Variants in FSD2 observed in about 807,000 individuals in gnomAD.
FSD2 encodes fibronectin type III and SPRY domain-containing protein 2.
Under a neutral mutation model 80.4 loss-of-function variants are expected in FSD2, and 71 were observed. That is an observed-to-expected ratio of 0.88 (90% CI 0.73 to 1.08). The LOEUF is 1.08. FSD2 is among the 50% of genes least tolerant of loss of function. The pLI, the probability that FSD2 is intolerant of heterozygous loss-of-function variation, is 0.00. For missense variants in FSD2, 923 were observed against 913.8 expected, an observed-to-expected ratio of 1.01 and a Z score of -0.13; for synonymous variants, 361 against 329.5, an observed-to-expected ratio of 1.10 and a Z score of -1.03.
At chr15:82,761,667 T>G (rs2151485299) in intron 12 of FSD2, among the ~76,000 whole-genome samples, 1 of 150,950 alleles carries the variant, frequency 6.6e-6, no homozygotes, top group Admixed American at 6.6e-5. Context: ...TTATTTTATT[T>G]TATTTTTTTA....
At chr15:82,800,691 C>CAAAAAAAAAG (rs2050390249) in intron 1 of FSD2, among the ~76,000 whole-genome samples, 3 of 47,820 alleles carry the variant, frequency 6.3e-5, no homozygotes, top group African/African-American at 3.0e-4. Context: ...GATTCTGTCT[C>CAAAAAAAAAG]AAAAAAAAAA....
At chr15:82,775,390 T>A (rs981856992) in intron 6 of FSD2, among the ~76,000 whole-genome samples, 4 of 150,722 alleles carry the variant, frequency 2.7e-5, no homozygotes, top group Non-Finnish European at 5.9e-5. Context: ...AGTGTGAGAC[T>A]CTGTCTCAAA....
chr15:82,759,280 C>T lies in FSD2; in HGVS notation c.*68G>A. ...CATGGTGCTTAAGTGCCAGGTTCAG[C>T]CAGCTAAGGCGTGAGCAGCTGCGAG... On this transcript the variant is annotated 3_prime_UTR_variant, in exon 13 of 13. Transcript: ENST00000334574. 2.6e-6 allele frequency: 4 copies of T among 1,539,166 alleles called. No homozygotes were observed. Among genetic ancestry groups the T allele is most frequent in the East Asian group, 2.3e-5 (1 of 44,128 alleles).
chr15:82,774,161 C>T (rs12903869), intron 6 of FSD2, among the ~76,000 whole-genome samples: 1 of 152,174 alleles, frequency 6.6e-6, no homozygotes, highest in Non-Finnish European at 1.5e-5. Context: ...TGCAGCCTTA[C>T]TCTTGGGCTC....
intron 1 of FSD2, among the ~76,000 whole-genome samples, chr15:82,804,001 A>G (rs1245685305): frequency 6.6e-6 from 1 of 152,194 alleles, no homozygotes; most frequent in East Asian, 1.9e-4. Flanking sequence ...TGCATAGTAC[A>G]TAGCTTAAAG....
At chr15:82,764,472 G>A (rs2049361149) in intron 11 of FSD2, among the ~76,000 whole-genome samples, 1 of 117,756 alleles carries the variant, frequency 8.5e-6, no homozygotes, top group South Asian at 2.9e-4. Context: ...CTCTGCTCTT[G>A]TTGCTTCATT....
In FSD2 at chr15:82,787,143, T is replaced by A. The variant is rs779663505; in HGVS notation, c.248A>T (p.Asp83Val). ...AACAAACTCATCCCCTAATTCATGA[T>A]CATCTTCAAGTCCATATAAGTGGAC... ...ELVHLYGLEDDHELGDEFVDE... is the reference protein window; with the variant it reads ...ELVHLYGLEDVHELGDEFVDE... Residue 83 changes from aspartate (D) to valine (V), a missense_variant, in exon 2 of 13, where the codon GAT (aspartate) becomes GTT (valine). By Grantham distance (152) the Asp-to-Val change is radical. Transcript: ENST00000334574. 6.2e-7 allele frequency: 1 copy of A among 1,614,044 alleles called. No homozygotes were observed. Among genetic ancestry groups the A allele is most frequent in the Admixed American group, 1.7e-5 (1 of 60,028 alleles).
chr15:82,799,991 A>C (rs1051642704), intron 1 of FSD2, among the ~76,000 whole-genome samples: 42 of 152,208 alleles, frequency 2.8e-4, no homozygotes, highest in African/African-American at 9.6e-4. Context: ...TCCTGAACTG[A>C]CTGCCTGCCC....
intron 2 of FSD2, 33 bp downstream of exon 2, chr15:82,786,719 C>A (rs1345322002): frequency 1.2e-6 from 2 of 1,609,854 alleles, no homozygotes; most frequent in Non-Finnish European, 1.7e-6. Flanking sequence ...AAAGCAATAT[C>A]AAGACAGAGA....
At position 82,778,157 on chromosome 15, in the gene FSD2, TA is replaced by T. The variant is rs1555478177; in HGVS notation, c.1111+608del. Among the ~76,000 whole-genome samples the T allele has an allele frequency of 1.0e-4, 13 of 129,882 alleles. 1 individual carries two copies. Among genetic ancestry groups the T allele is most frequent in the African/African-American group, 4.1e-4 (13 of 31,700 alleles). 85.2% of individuals were successfully genotyped at this position (129,882 alleles called of 152,430 possible). A position where few individuals can be genotyped will look rare whatever the true frequency, so the allele number is the denominator to read the frequency against. ...ATATATATATATATATATATATATA[TA>T]ATAACTATTACATGATCTAGTAATT... is the stretch of plus-strand genomic sequence containing the variant. On this transcript the variant is annotated intron_variant, in intron 6 of 12. Coordinates refer to ENST00000334574, the MANE Select transcript of FSD2 (RefSeq NM_001007122.4).
At chr15:82,763,860 C>T (rs2049346757) in intron 11 of FSD2, among the ~76,000 whole-genome samples, 2 of 152,220 alleles carry the variant, frequency 1.3e-5, no homozygotes, top group Non-Finnish European at 2.9e-5. Flanking sequence ...ACTTTCCTGC[C>T]TCATCTTCCA....
chr15:82,765,140 G>T (rs749386603), intron 11 of FSD2, 26 bp downstream of exon 11: 1 of 1,569,858 alleles, frequency 6.4e-7, no homozygotes, highest in Non-Finnish European at 8.6e-7. Context: ...TTCACAGAAC[G>T]CCCTTGTGAG....
intron 3 of FSD2, among the ~76,000 whole-genome samples, chr15:82,786,041 A>G (rs564953718): frequency 3.3e-5 from 5 of 152,308 alleles, no homozygotes; most frequent in African/African-American, 1.2e-4. Context: ...ATAAGGGTCT[A>G]TCAAGTTGAA....
At chr15:82,780,615 G>A (rs2049831617) in intron 4 of FSD2, among the ~76,000 whole-genome samples, 1 of 151,880 alleles carries the variant, frequency 6.6e-6, no homozygotes, top group African/African-American at 2.4e-5. Context: ...TTACAGGCAT[G>A]AGCCACCGTG....
Position 82,795,693 on chromosome 15 carries a change from G to A in FSD2, c.-78-8225C>T, listed in dbSNP as rs567809276. Reference sequence around the variant, plus strand: ...AAAAATACAAAAAAATTAGCCAGGCGTGGTGGCACACGCCTGTAATCCCAG... The same window carrying A: ...AAAAATACAAAAAAATTAGCCAGGCATGGTGGCACACGCCTGTAATCCCAG... On this transcript the variant is annotated intron_variant, in intron 1 of 12. Coordinates refer to ENST00000334574, the MANE Select transcript of FSD2 (RefSeq NM_001007122.4). 8.5e-5 allele frequency among the ~76,000 whole-genome samples: 13 copies of A among 152,108 alleles called. 1 individual carries two copies. The East Asian group carries it at 9.7e-4, about 11-fold the overall frequency.
chr15:82,792,456 T>C (rs1596258901), intron 1 of FSD2, among the ~76,000 whole-genome samples: 1 of 152,232 alleles, frequency 6.6e-6, no homozygotes, highest in African/African-American at 2.4e-5. Flanking sequence ...CATTTTTAAA[T>C]TGGATTATTT....
chr15:82,775,136 C>T (rs189896657), intron 6 of FSD2, among the ~76,000 whole-genome samples: 1,578 of 151,774 alleles, frequency 0.01, 7 homozygotes, highest in Non-Finnish European at 0.016. Flanking sequence ...TGGTGGCTCA[C>T]GCCTGTAATC....
chr15:82,798,878 G>GTTT (rs755092933), intron 1 of FSD2, among the ~76,000 whole-genome samples: 2 of 135,816 alleles, frequency 1.5e-5, no homozygotes, highest in East Asian at 2.1e-4. Flanking sequence ...CCACTGTTTT[G>GTTT]TTTTTTTTTT....
chr15:82,791,360 A>G (rs865813468), intron 1 of FSD2, among the ~76,000 whole-genome samples: 9 of 150,208 alleles, frequency 6.0e-5, no homozygotes, highest in Non-Finnish European at 1.2e-4. Flanking sequence ...ATTTCACAGC[A>G]TGTATTTTTA....
Sources: allele counts gnomAD v4.1 joint callset (sites outside exome capture counted in the v4.1 genomes callset), GRCh38; gene constraint gnomAD v4.1.1; transcripts MANE v1.5; gene names NCBI Gene and HGNC (gene_info 2026-07-23, HGNC 2026-07-21).